EBF1: variants seen among roughly 807,000 people sequenced by gnomAD.
EBF1 encodes the protein EBF transcription factor 1.
Under a neutral mutation model 68.4 loss-of-function variants are expected in EBF1, and 10 were observed. That is an observed-to-expected ratio of 0.15 (90% CI 0.09 to 0.25). The LOEUF is 0.25. EBF1 is among the 10% of genes least tolerant of loss of function. The pLI, the probability that EBF1 is intolerant of heterozygous loss-of-function variation, is 1.00. For synonymous variants in EBF1, 298 were observed against 299.8 expected (o/e 0.99, Z 0.06); for missense variants, 509 against 794.4 (o/e 0.64, Z 4.32).
chr5:158,728,756 G>A (rs537621252), intron 11 of EBF1, among the ~76,000 whole-genome samples: 1 of 152,164 alleles, frequency 6.6e-6, no homozygotes, highest in African/African-American at 2.4e-5. Flanking sequence ...GTAGAGATAG[G>A]GTTTTGTGAT....
intron 6 of EBF1, among the ~76,000 whole-genome samples, chr5:158,922,808 A>T (rs1210453089): frequency 6.6e-6 from 1 of 152,212 alleles, no homozygotes; most frequent in Non-Finnish European, 1.5e-5. Context: ...CCTGAGCCAG[A>T]TTTCAGAGGG....
intron 10 of EBF1, among the ~76,000 whole-genome samples, chr5:158,761,363 G>A (rs1330798244): frequency 2.0e-5 from 3 of 152,166 alleles, no homozygotes; most frequent in Non-Finnish European, 2.9e-5. Flanking sequence ...CATTAGCAGC[G>A]CCTACACTCA....
chr5:158,797,743 G>A (rs1779844603), intron 8 of EBF1, among the ~76,000 whole-genome samples: 2 of 152,130 alleles, frequency 1.3e-5, no homozygotes, highest in Non-Finnish European at 1.5e-5. Context: ...TTAAAAATTT[G>A]CACAGAGAAA....
intron 9 of EBF1, among the ~76,000 whole-genome samples, chr5:158,788,414 C>A (rs1777893798): frequency 6.6e-6 from 1 of 151,990 alleles, no homozygotes; most frequent in African/African-American, 2.4e-5. Context: ...ACTGCAGGTA[C>A]AAGGAGCAGC....
chr5:158,960,977 T>G (rs1161160143), intron 6 of EBF1, among the ~76,000 whole-genome samples: 2 of 152,124 alleles, frequency 1.3e-5, no homozygotes, highest in African/African-American at 2.4e-5. Flanking sequence ...GTTTATTTTT[T>G]GAAACCTAAA....
chr5:158,759,896 G>A (rs983945021), intron 10 of EBF1, among the ~76,000 whole-genome samples: 2 of 151,580 alleles, frequency 1.3e-5, no homozygotes, highest in African/African-American at 4.9e-5. Context: ...TAATTAAATT[G>A]GAATTTGAAT....
At chr5:158,912,010 A>G (rs1477175150) in intron 6 of EBF1, among the ~76,000 whole-genome samples, 1 of 152,096 alleles carries the variant, frequency 6.6e-6, no homozygotes, top group Non-Finnish European at 1.5e-5. Context: ...CTCCAAGTTC[A>G]TTTCTTTAGT....
chr5:158,774,184 C>A (rs1347698722), intron 10 of EBF1, among the ~76,000 whole-genome samples: 2 of 152,056 alleles, frequency 1.3e-5, no homozygotes, highest in Non-Finnish European at 2.9e-5. Flanking sequence ...GCTATGGATT[C>A]CTCGTGCGTC....
At chr5:158,741,114 G>A (rs1367651363) in intron 10 of EBF1, among the ~76,000 whole-genome samples, 1 of 152,178 alleles carries the variant, frequency 6.6e-6, no homozygotes, top group Non-Finnish European at 1.5e-5. Flanking sequence ...ATTTACTAGT[G>A]AAACATGTGT....
At chr5:159,020,511 C>G (rs1384665603) in intron 6 of EBF1, among the ~76,000 whole-genome samples, 1 of 152,208 alleles carries the variant, frequency 6.6e-6, no homozygotes, top group African/African-American at 2.4e-5. Flanking sequence ...CCTCTGCTCT[C>G]TTTACCACCT....
intron 6 of EBF1, among the ~76,000 whole-genome samples, chr5:158,861,381 C>T (rs1045398032): frequency 1.4e-5 from 2 of 144,622 alleles, no homozygotes. Flanking sequence ...GGAGCCCTGC[C>T]ATGAGAACAC....
At chr5:159,021,288 C>CA (rs1285535232) in intron 6 of EBF1, among the ~76,000 whole-genome samples, 10 of 151,202 alleles carry the variant, frequency 6.6e-5, no homozygotes, top group South Asian at 2.1e-4. Context: ...AATCTCCCGC[C>CA]AAAAAAAAGG....
chr5:159,043,100 A>T (rs2127782660), intron 6 of EBF1, among the ~76,000 whole-genome samples: 1 of 152,336 alleles, frequency 6.6e-6, no homozygotes, highest in African/African-American at 2.4e-5. Flanking sequence ...AACACCAAGC[A>T]ATCCAGCAGG....
intron 6 of EBF1, among the ~76,000 whole-genome samples, chr5:158,912,879 G>A (rs1293528480): frequency 6.6e-6 from 1 of 152,210 alleles, no homozygotes; most frequent in African/African-American, 2.4e-5. Flanking sequence ...ATTCTTGCAG[G>A]TAGTATAGAT....
intron 6 of EBF1, among the ~76,000 whole-genome samples, chr5:159,066,334 C>T (rs899550744): frequency 1.3e-5 from 2 of 152,148 alleles, no homozygotes; most frequent in African/African-American, 4.8e-5. Flanking sequence ...TATAATTTGC[C>T]AGCATGTCTA....
At chr5:159,067,139 A>G (rs1314530256) in intron 6 of EBF1, among the ~76,000 whole-genome samples, 1 of 152,168 alleles carries the variant, frequency 6.6e-6, no homozygotes, top group Non-Finnish European at 1.5e-5. Context: ...GGAGAGTTAC[A>G]CTTGGAGAGA....
Position 158,731,215 on chromosome 5 carries a change from T to C in EBF1, c.1037-58A>G, listed in dbSNP as rs988852327. 21 of 1,502,834 alleles carry C rather than the reference T, an allele frequency of 1.4e-5. No homozygotes were observed. In the Admixed American group the frequency reaches 2.8e-4, roughly 20 times the overall value. The allele number at this position is 1,502,834 out of a possible 1,614,324, so 93.1% of individuals were successfully genotyped here. On this transcript the variant is annotated intron_variant, in intron 10 of 15. Transcript: ENST00000313708. ...TTCAAGAAATAAAGCTGAACATGGC[T>C]TGCAACACTAATGGTGTGGAAATAA...
intron 6 of EBF1, among the ~76,000 whole-genome samples, chr5:159,069,793 C>T (rs1021257306): frequency 2.6e-5 from 4 of 152,092 alleles, no homozygotes; most frequent in African/African-American, 9.7e-5. Context: ...GCTAATTACT[C>T]CTGCAAAATT....
At chr5:158,969,912 GAAAGAAAAA>G (rs1755214191) in intron 6 of EBF1, among the ~76,000 whole-genome samples, 6 of 92,360 alleles carry the variant, frequency 6.5e-5, no homozygotes, top group African/African-American at 2.1e-4. Context: ...AAGAAAGAAA[GAAAGAAAAA>G]AAAAAAAAAG....
Sources: gnomAD v4.1 joint callset for allele counts (sites outside exome capture counted in the v4.1 genomes callset) on GRCh38, gnomAD v4.1.1 for gene constraint, MANE v1.5 for transcripts, NCBI Gene and HGNC (gene_info 2026-07-23, HGNC 2026-07-21) for gene names.